The following ZDHHC21 variants were observed in gnomAD, a reference collection of about 807,000 sequenced individuals.
ZDHHC21 encodes the protein zDHHC palmitoyltransferase 21.
Under a neutral mutation model 34.6 loss-of-function variants are expected in ZDHHC21, and 15 were observed. That is an observed-to-expected ratio of 0.43 (90% CI 0.29 to 0.67). The LOEUF (loss-of-function observed/expected upper bound fraction) is 0.67, where lower values mean the gene tolerates loss of function less well. Ranked by LOEUF, ZDHHC21 falls within the 30% of genes least tolerant of loss-of-function variation. The pLI is 0.14. For missense variants in ZDHHC21, 344 were observed against 327.7 expected, an observed-to-expected ratio of 1.05 and a Z score of -0.38; for synonymous variants, 142 against 101.8, an observed-to-expected ratio of 1.40 and a Z score of -2.38.
chr9:14,629,633 A>C (rs1826961292), intron 8 of ZDHHC21, among the ~76,000 whole-genome samples: 1 of 152,204 alleles, frequency 6.6e-6, no homozygotes, highest in South Asian at 2.1e-4. Flanking sequence ...TTATTGATAA[A>C]AAATGCTAAT....
the ZDHHC21 span, among the ~76,000 whole-genome samples, chr9:14,605,488 G>A: frequency 2.0e-5 from 3 of 152,008 alleles, no homozygotes; most frequent in African/African-American, 4.8e-5. Context: ...GTCTTCTTTG[G>A]AGAAATATCT....
rs1157243929 is a variant in ZDHHC21, at chr9:14,613,132, G to A, written c.*5834C>T. The A allele has an allele frequency of 6.6e-6, 1 of 151,522 alleles. No homozygotes were observed. Among genetic ancestry groups the A allele is most frequent in the Non-Finnish European group, 1.5e-5 (1 of 67,786 alleles). 9.4% of individuals were successfully genotyped at this position (151,522 alleles called of 1,614,324 possible). ...AAATACAAAATTAAAATCCATACAT[G>A]CCTACCTAAAAAAAAATCCAAATGA... On this transcript the variant is annotated 3_prime_UTR_variant, in exon 10 of 10. Transcript: ENST00000380916.
At chr9:14,689,817 T>C (rs1838909306) in intron 2 of ZDHHC21, among the ~76,000 whole-genome samples, 1 of 152,184 alleles carries the variant, frequency 6.6e-6, no homozygotes, top group South Asian at 2.1e-4. Flanking sequence ...CAGGCTGGAG[T>C]GCTGCAATCA....
chr9:14,675,816 G>T (rs994385499), intron 3 of ZDHHC21, among the ~76,000 whole-genome samples: 1 of 151,952 alleles, frequency 6.6e-6, no homozygotes, highest in African/African-American at 2.4e-5. Context: ...AAGACTTACT[G>T]TAAGAAGTGA....
chr9:14,665,224 G>C (rs546877952), intron 5 of ZDHHC21, among the ~76,000 whole-genome samples: 1,637 of 134,656 alleles, frequency 0.012, 16 homozygotes, highest in African/African-American at 0.026. Flanking sequence ...GAGCCGATGC[G>C]ATCAACTGGA....
intron 3 of ZDHHC21, 77 bp from the exon 4 acceptor site, chr9:14,674,462 T>C: frequency 1.2e-6 from 1 of 826,882 alleles, no homozygotes; most frequent in Admixed American, 3.3e-5. Context: ...GCAACTTTTA[T>C]AAAATGACAT....
At position 14,633,437 on chromosome 9, in the gene ZDHHC21, T is replaced by C. The variant is rs1006475160; in HGVS notation, c.621+6459A>G. Among the ~76,000 whole-genome samples, 31 of 152,234 alleles carry C rather than the reference T, an allele frequency of 2.0e-4. 1 individual carries two copies. The highest frequency in any genetic ancestry group is 3.4e-3 in the Middle Eastern group (1 of 294). ...AAACCCTCACAAGTCTCAAGACTAA[T>C]GGGAGCTACCTGGAGAATACATGAA... On this transcript the variant is annotated intron_variant, in intron 8 of 9. Coordinates refer to ENST00000380916, the MANE Select transcript of ZDHHC21 (RefSeq NM_178566.6).
chr9:14,642,943 G>C (rs1410663973), intron 7 of ZDHHC21, among the ~76,000 whole-genome samples: 1 of 152,066 alleles, frequency 6.6e-6, no homozygotes, highest in African/African-American at 2.4e-5. Flanking sequence ...TCAGTTTAAA[G>C]AAAAGTAACA....
chr9:14,612,890 CGAT>C lies in ZDHHC21; in HGVS notation c.*6073_*6075del, dbSNP rs1564167025. On this transcript the variant is annotated 3_prime_UTR_variant, in exon 10 of 10. Coordinates refer to ENST00000380916, the MANE Select transcript of ZDHHC21 (RefSeq NM_178566.6). ...CACACACACACACACACGCTGAACT[CGAT>C]TTGTAATGAGAACGAACCTTAACTC... 1 of 150,270 alleles carries C rather than the reference CGAT, an allele frequency of 6.7e-6. No individual in the cohort carries two copies. Among genetic ancestry groups the C allele is most frequent in the Non-Finnish European group, 1.5e-5 (1 of 67,422 alleles). The allele number at this position is 150,270 out of a possible 1,614,324, so 9.3% of individuals were successfully genotyped here.
the ZDHHC21 span, among the ~76,000 whole-genome samples, chr9:14,599,468 C>T: frequency 1.4e-3 from 215 of 152,270 alleles, no homozygotes; most frequent in Admixed American, 3.4e-3. Context: ...AGGAGATACC[C>T]TCAGGTGCCT....
chr9:14,648,325 T>G (rs917861090), intron 7 of ZDHHC21, among the ~76,000 whole-genome samples: 1 of 151,894 alleles, frequency 6.6e-6, no homozygotes, highest in Non-Finnish European at 1.5e-5. Context: ...AGGTTTTTTT[T>G]ACTAAAATGT....
chr9:14,642,854 ATTTC>A (rs769100750), intron 7 of ZDHHC21, among the ~76,000 whole-genome samples: 8 of 152,236 alleles, frequency 5.3e-5, no homozygotes, highest in Non-Finnish European at 1.2e-4. Context: ...CAATAAATGT[ATTTC>A]TTTATTGTTT....
At chr9:14,641,251 A>G (rs1829320417) in intron 7 of ZDHHC21, among the ~76,000 whole-genome samples, 1 of 152,168 alleles carries the variant, frequency 6.6e-6, no homozygotes, top group African/African-American at 2.4e-5. Context: ...ATTAGCCTGG[A>G]AAAACTTAGA....
chr9:14,660,348 G>T (rs1291622057), intron 6 of ZDHHC21, among the ~76,000 whole-genome samples: 1 of 130,050 alleles, frequency 7.7e-6, no homozygotes, highest in African/African-American at 2.9e-5. Flanking sequence ...ACTCCAGCCT[G>T]GGCAACAGAG....
rs1286596659 is a variant in ZDHHC21 at position 14,676,711 on chromosome 9, A to G, written c.-45-2326T>C. ...AAATGAAGAAAGTCAGACAGGATAA[A>G]GCATGCTATTTAATTTGCTAAGAAT... is the stretch of plus-strand genomic sequence containing the variant. On this transcript the variant is annotated intron_variant, in intron 3 of 9. Coordinates refer to ENST00000380916, the MANE Select transcript of ZDHHC21 (RefSeq NM_178566.6). 2.0e-5 allele frequency among the ~76,000 whole-genome samples: 3 copies of G among 151,964 alleles called. No homozygotes were observed. The East Asian group carries it at 5.8e-4, about 29-fold the overall frequency.
chr9:14,652,926 T>C (rs945525572), intron 7 of ZDHHC21, among the ~76,000 whole-genome samples: 1 of 151,978 alleles, frequency 6.6e-6, no homozygotes, highest in African/African-American at 2.4e-5. Flanking sequence ...AAAGATGGGC[T>C]AGAAAAGATA....
chr9:14,600,921 A>T, the ZDHHC21 span, among the ~76,000 whole-genome samples: 15 of 152,216 alleles, frequency 9.9e-5, no homozygotes, highest in Admixed American at 2.6e-4. Flanking sequence ...TTTTTAATAA[A>T]TGGTGTTGGG....
intron 1 of ZDHHC21, among the ~76,000 whole-genome samples, chr9:14,692,044 G>A (rs569391758): frequency 6.6e-6 from 1 of 152,086 alleles, no homozygotes; most frequent in African/African-American, 2.4e-5. Context: ...TTCTTTCCAC[G>A]ACACCAAATC....
chr9:14,600,200 G>T, the ZDHHC21 span, among the ~76,000 whole-genome samples: 1 of 152,174 alleles, frequency 6.6e-6, no homozygotes, highest in African/African-American at 2.4e-5. Context: ...CAAATAGGAA[G>T]AGAGGAAGTC....
Sources: gnomAD v4.1 joint callset for allele counts (sites outside exome capture counted in the v4.1 genomes callset) on GRCh38, gnomAD v4.1.1 for gene constraint, MANE v1.5 for transcripts, NCBI Gene and HGNC (gene_info 2026-07-23, HGNC 2026-07-21) for gene names.